Variants in SMC5 observed in about 807,000 individuals in gnomAD.
SMC5 encodes structural maintenance of chromosomes 5.
SMC5 carries 88 observed loss-of-function variants against 148.3 expected under a neutral mutation model. The observed-to-expected ratio is 0.59, with a 90% CI of 0.50 to 0.71. The LOEUF is 0.71. Ranked by LOEUF, SMC5 falls within the 30% of genes least tolerant of loss-of-function variation. SMC5 has a pLI of 0.00. For synonymous variants in SMC5, 421 were observed against 432.8 expected, an observed-to-expected ratio of 0.97 and a Z score of 0.34; for missense variants, 1,142 against 1,298.9, an observed-to-expected ratio of 0.88 and a Z score of 1.86.
At chr9:70,295,248 G>A (rs1305136040) in intron 8 of SMC5, among the ~76,000 whole-genome samples, 2 of 151,700 alleles carry the variant, frequency 1.3e-5, no homozygotes, top group Non-Finnish European at 2.9e-5. Context: ...GGCGGATCAC[G>A]AGGTCAGGAG....
chr9:70,270,485 G>A lies in SMC5; in HGVS notation c.380+2510G>A, dbSNP rs541478270. On this transcript the variant is annotated intron_variant, in intron 3 of 24. Transcript: ENST00000361138. ...GGGGAGTAGGTTGGTGGGGCTGAAG[G>A]TTCTAAGTTTCTGTTCATGGCTTTA... is the stretch of plus-strand genomic sequence containing the variant. Among the ~76,000 whole-genome samples the A allele has an allele frequency of 3.9e-5, 6 of 152,094 alleles. No individual in the cohort carries two copies. The East Asian group carries it at 9.7e-4, about 25-fold the overall frequency.
At chr9:70,344,079 T>A in intron 17 of SMC5, 65 bp from the exon 18 acceptor site, 6 of 1,004,948 alleles carry the variant, frequency 6.0e-6, no homozygotes, top group Non-Finnish European at 8.1e-6. Flanking sequence ...TATGTGGTAG[T>A]TTAATAAAAC....
intron 5 of SMC5, among the ~76,000 whole-genome samples, chr9:70,280,338 G>C (rs1240653312): frequency 6.6e-6 from 1 of 152,162 alleles, no homozygotes; most frequent in East Asian, 1.9e-4. Context: ...TTTCAGTCAT[G>C]AGTGTTCATT....
At chr9:70,278,293 T>G (rs1165727044) in intron 4 of SMC5, among the ~76,000 whole-genome samples, 198 bp from the exon 5 acceptor site, 1 of 152,124 alleles carries the variant, frequency 6.6e-6, no homozygotes, top group African/African-American at 2.4e-5. Context: ...CAGAAAATTT[T>G]TAAAGATGAT....
chr9:70,336,395 C>A (rs2036357400), intron 17 of SMC5, among the ~76,000 whole-genome samples: 1 of 152,152 alleles, frequency 6.6e-6, no homozygotes, highest in Non-Finnish European at 1.5e-5. Flanking sequence ...GTTTGATATG[C>A]TAGGGCTGGG....
intron 21 of SMC5, 99 bp downstream of exon 21, chr9:70,347,816 G>A (rs551599413): frequency 4.7e-6 from 6 of 1,273,756 alleles, no homozygotes; most frequent in South Asian, 2.9e-5. Flanking sequence ...AGAGAAGTGT[G>A]TTATGCCCAG....
intron 2 of SMC5, among the ~76,000 whole-genome samples, chr9:70,264,859 G>T (rs1180103): frequency 0.22 from 32,741 of 152,044 alleles, 3,662 homozygotes; most frequent in South Asian, 0.28. Context: ...ACCTAGATGG[G>T]TTAGCCTACT....
At chr9:70,313,751 C>T (rs187513723) in intron 11 of SMC5, among the ~76,000 whole-genome samples, 170 of 152,238 alleles carry the variant, frequency 1.1e-3, no homozygotes, top group African/African-American at 3.8e-3. Flanking sequence ...CCGCCCGTCT[C>T]GGCCTCCCAA....
intron 17 of SMC5, among the ~76,000 whole-genome samples, chr9:70,325,650 A>G (rs2036059176): frequency 6.6e-6 from 1 of 152,198 alleles, no homozygotes; most frequent in South Asian, 2.1e-4. Flanking sequence ...CATAAAATAT[A>G]TATTCTATAG....
At chr9:70,312,217 G>C (rs2035677697) in intron 11 of SMC5, 1 of 151,622 alleles carries the variant, frequency 6.6e-6, no homozygotes, top group Admixed American at 6.6e-5. Flanking sequence ...TGGCTGAGGA[G>C]GCCTCAGGAA....
At chr9:70,337,126 G>A (rs1174130035) in intron 17 of SMC5, among the ~76,000 whole-genome samples, 3 of 152,178 alleles carry the variant, frequency 2.0e-5, no homozygotes, top group East Asian at 3.8e-4. Flanking sequence ...GCCACAACAC[G>A]TGGGAATTCA....
At chr9:70,260,150 G>A (rs2034069102) in intron 1 of SMC5, among the ~76,000 whole-genome samples, 1 of 151,908 alleles carries the variant, frequency 6.6e-6, no homozygotes, top group South Asian at 2.1e-4. Flanking sequence ...TGTCGTCCGG[G>A]CTGGAAGGTA....
At chr9:70,322,574 G>T (rs1269444362) in intron 15 of SMC5, among the ~76,000 whole-genome samples, 3 of 152,090 alleles carry the variant, frequency 2.0e-5, no homozygotes, top group Non-Finnish European at 4.4e-5. Flanking sequence ...GGTGGCTCAC[G>T]CCTGTAATCC....
At position 70,280,870 on chromosome 9, in the gene SMC5, G is replaced by C; in HGVS notation, c.790G>C (p.Glu264Gln). ...ACGGAAGCGACATTTAGATTTAATT[G>C]AGATGCTTGAAGCAAAAAGGCCATG... ...YERKRHLDLIEMLEAKRPWVE... is the reference protein window; with the variant it reads ...YERKRHLDLIQMLEAKRPWVE... The change falls in exon 6 of 25, where the codon GAG becomes CAG. Residue 264 changes from glutamate to glutamine, a missense_variant. By Grantham distance (29) the Glu-to-Gln change is conservative (BLOSUM62 2). Around this residue, in one of 5 missense-constraint regions of SMC5, gnomAD observed 9 missense variants for 29.6 expected, o/e 0.30. Transcript: ENST00000361138. 6.2e-7 allele frequency: 1 copy of C among 1,613,958 alleles called. No homozygotes were observed. The highest frequency in any genetic ancestry group is 8.5e-7 in the Non-Finnish European group (1 of 1,179,992).
chr9:70,349,944 A>G, intron 22 of SMC5, among the ~76,000 whole-genome samples, 170 bp from the exon 23 acceptor site: 1 of 152,232 alleles, frequency 6.6e-6, no homozygotes, highest in Middle Eastern at 3.4e-3. Context: ...CTGTTTGCTT[A>G]ATATTTATTA....
chr9:70,303,743 T>G (rs916401462), intron 10 of SMC5, among the ~76,000 whole-genome samples: 4 of 152,208 alleles, frequency 2.6e-5, no homozygotes, highest in Non-Finnish European at 5.9e-5. Flanking sequence ...TTGAGCAAGA[T>G]CAAGCATAGG....
chr9:70,263,549 T>C (rs1180554038), intron 1 of SMC5, among the ~76,000 whole-genome samples: 1 of 152,088 alleles, frequency 6.6e-6, no homozygotes, highest in Non-Finnish European at 1.5e-5. Flanking sequence ...CAAAGGCGAG[T>C]TAAAAGAATG....
chr9:70,314,183 A>G (rs10868800), intron 11 of SMC5, among the ~76,000 whole-genome samples: 11,593 of 152,058 alleles, frequency 0.076, 516 homozygotes, highest in African/African-American at 0.13. Flanking sequence ...CCATCCTTCC[A>G]TCTTATGATC....
chr9:70,338,842 C>CT (rs2036435313), intron 17 of SMC5, among the ~76,000 whole-genome samples: 1 of 152,120 alleles, frequency 6.6e-6, no homozygotes, highest in Non-Finnish European at 1.5e-5. Context: ...TTACACCACT[C>CT]TGTTTTTCTT....
Sources: allele counts gnomAD v4.1 joint callset (sites outside exome capture counted in the v4.1 genomes callset), GRCh38; gene constraint gnomAD v4.1.1; regional missense constraint gnomAD v4.1.1; transcripts MANE v1.5; gene names NCBI Gene and HGNC (gene_info 2026-07-23, HGNC 2026-07-21).